ATL3: variants seen among roughly 807,000 people sequenced by gnomAD.
The protein encoded by ATL3 is atlastin-3.
In ATL3, 49 loss-of-function variants were observed where a neutral mutation model predicts 69.5. The observed-to-expected ratio is 0.71, with a 90% CI of 0.56 to 0.89. ATL3 has a LOEUF of 0.89. Ranked by LOEUF, ATL3 falls within the 40% of genes least tolerant of loss-of-function variation. The pLI, the probability that ATL3 is intolerant of heterozygous loss-of-function variation, is 0.00. For synonymous variants in ATL3, 214 were observed against 224.1 expected (o/e 0.95, Z 0.40); for missense variants, 606 against 645.7 (o/e 0.94, Z 0.67).
chr11:63,657,419 T>C (rs1350777796), intron 3 of ATL3, among the ~76,000 whole-genome samples: 1 of 152,156 alleles, frequency 6.6e-6, no homozygotes. Context: ...AGCTAGGGGA[T>C]AGTGAATGCC....
At chr11:63,671,876 G>T (rs1305901605), upstream of ATL3, 2 of 435,914 alleles carry the variant, frequency 4.6e-6, no homozygotes, top group African/African-American at 2.2e-5. Context: ...GCTTTATCCT[G>T]GAACCACCAG....
chr11:63,651,347 A>G lies in ATL3; in HGVS notation c.561+589T>C, dbSNP rs189088071. The stretch of plus-strand genomic sequence containing the variant: ...GCGCACACCTGTAATCCCAGCTTGC[A>G]GTGAGCCAAGATTGCATCATTGCAC... On this transcript the variant is annotated intron_variant, in intron 5 of 12. Transcript: ENST00000398868. Among the ~76,000 whole-genome samples, 5 of 152,106 alleles carry G rather than the reference A, an allele frequency of 3.3e-5. No homozygotes were observed. The East Asian group carries it at 9.7e-4, about 29-fold the overall frequency.
chr11:63,671,554 T>C (rs1047236867), upstream of ATL3: 57 of 1,425,502 alleles, frequency 4.0e-5, no homozygotes, highest in African/African-American at 6.9e-4. Context: ...AGGACGAGGC[T>C]AGGCGAGGCG....
chr11:63,653,187 C>G (rs994445424), intron 3 of ATL3, among the ~76,000 whole-genome samples: 1 of 151,996 alleles, frequency 6.6e-6, no homozygotes, highest in Admixed American at 6.6e-5. Flanking sequence ...AAAAATTAGG[C>G]CAGGCGCAGT....
rs547342734 is a variant in ATL3 at position 63,627,284 on chromosome 11, G to A, written c.*2035C>T. 6.6e-6 allele frequency: 1 copy of A among 152,310 alleles called. No individual in the cohort carries two copies. Among genetic ancestry groups the A allele is most frequent in the Admixed American group, 6.5e-5 (1 of 15,294 alleles). The allele number at this position is 152,310 out of a possible 1,614,324, so 9.4% of individuals were successfully genotyped here. A position where few individuals can be genotyped will look rare whatever the true frequency, so the allele number is the denominator to read the frequency against. ...AAATGCACCAACATTTCAGAAGCAAGCTTTCAAGTTAACAGTCAAAGCTTG... is the reference window on the plus strand; with the variant it reads ...AAATGCACCAACATTTCAGAAGCAAACTTTCAAGTTAACAGTCAAAGCTTG... On this transcript the variant is annotated 3_prime_UTR_variant, in exon 13 of 13. Transcript: ENST00000398868.
chr11:63,644,312 A>T, intron 6 of ATL3, 51 bp from the exon 7 acceptor site: 1 of 1,160,896 alleles, frequency 8.6e-7, no homozygotes, highest in Non-Finnish European at 1.3e-6. Flanking sequence ...ACACATTTTC[A>T]AGAGAACAAC....
chr11:63,633,439 ACT>A (rs1356955730), intron 10 of ATL3, among the ~76,000 whole-genome samples: 1 of 151,674 alleles, frequency 6.6e-6, no homozygotes, highest in Admixed American at 6.6e-5. Context: ...ACAGAGCCTC[ACT>A]CTGTCACCCA....
intron 10 of ATL3, among the ~76,000 whole-genome samples, 167 bp downstream of exon 10, chr11:63,635,366 GA>G (rs1303206975): frequency 6.6e-6 from 1 of 150,944 alleles, no homozygotes; most frequent in Non-Finnish European, 1.5e-5. Context: ...AAGTGAACTA[GA>G]AAAGGTCGCC....
chr11:63,666,024 G>A (rs1940563342), intron 1 of ATL3, among the ~76,000 whole-genome samples: 1 of 152,236 alleles, frequency 6.6e-6, no homozygotes, highest in East Asian at 1.9e-4. Context: ...CTGTTGCACA[G>A]GCTAGAGGTG....
At chr11:63,648,130 C>CA (rs1157296830) in intron 5 of ATL3, among the ~76,000 whole-genome samples, 2 of 150,502 alleles carry the variant, frequency 1.3e-5, no homozygotes, top group Middle Eastern at 3.4e-3. Context: ...AAGATAAATC[C>CA]AAAAAAAAAT....
At chr11:63,650,637 T>G (rs1180031878) in intron 5 of ATL3, 1 of 152,196 alleles carries the variant, frequency 6.6e-6, no homozygotes, top group Non-Finnish European at 1.5e-5. Context: ...TTACTACTTC[T>G]TATGGGTTGA....
chr11:63,644,327 A>AAGATGTATTGCAGTTG, intron 6 of ATL3, 66 bp from the exon 7 acceptor site: 1 of 956,770 alleles, frequency 1.0e-6, no homozygotes. Flanking sequence ...AACAACTGCA[A>AAGATGTATTGCAGTTG]TACATCTTTG....
intron 11 of ATL3, chr11:63,632,128 A>ATT: frequency 9.7e-5 from 34 of 350,496 alleles, no homozygotes; most frequent in South Asian, 1.9e-4. Flanking sequence ...ACATGCTTTA[A>ATT]TTTTTTTTTT....
At position 63,633,152 on chromosome 11, in the gene ATL3, A is replaced by T. The variant is rs1261473226; in HGVS notation, c.1036-55T>A. 6.4e-6 allele frequency: 9 copies of T among 1,414,404 alleles called. No individual in the cohort carries two copies. The African/African-American group carries it at 8.5e-5, about 13-fold the overall frequency. The allele number at this position is 1,414,404 out of a possible 1,614,324, so 87.6% of individuals were successfully genotyped here. On this transcript the variant is annotated intron_variant, in intron 10 of 12. Coordinates refer to ENST00000398868, the MANE Select transcript of ATL3 (RefSeq NM_015459.5). ...ATCCTTCCTCTTTTAACATTCCTCC[A>T]CAAATAACCTAACAAAAATCTTCTC... is the stretch of plus-strand genomic sequence containing the variant.
At chr11:63,643,317 A>C in intron 8 of ATL3, 40 bp downstream of exon 8, 1 of 1,531,302 alleles carries the variant, frequency 6.5e-7, no homozygotes, top group Non-Finnish European at 8.8e-7. Flanking sequence ...TTTAATTCCA[A>C]AGATCGAATC....
At chr11:63,641,523 T>C (rs562809756) in intron 8 of ATL3, among the ~76,000 whole-genome samples, 1 of 152,284 alleles carries the variant, frequency 6.6e-6, no homozygotes, top group Non-Finnish European at 1.5e-5. Flanking sequence ...GGCGGTCATG[T>C]GACAACAAAG....
Position 63,659,146 on chromosome 11 carries a change from C to A in ATL3, c.153G>T (p.Leu51Phe), listed in dbSNP as rs770479127. 8.7e-6 allele frequency: 14 copies of A among 1,613,954 alleles called. No homozygotes were observed. Among genetic ancestry groups the A allele is most frequent in the African/African-American group, 2.7e-5 (2 of 74,882 alleles). ...CATCAAGATCTCGGATGTGGTCCTG[C>A]AAGAGGATGCTGGCCAAGGCTTTCT... ...LDEKALASIL[L>F]QDHIRDLDVV... The change falls in exon 2 of 13, where the codon TTG (leucine) becomes TTT (phenylalanine). Residue 51 changes from leucine to phenylalanine, a missense_variant. Transcript: ENST00000398868.
chr11:63,664,369 T>C (rs1244052123), intron 1 of ATL3, among the ~76,000 whole-genome samples: 1 of 151,784 alleles, frequency 6.6e-6, no homozygotes, highest in African/African-American at 2.4e-5. Context: ...TGAAACCCCA[T>C]CTCTACCAAA....
chr11:63,631,433 A>G lies in ATL3; in HGVS notation c.1146T>C (p.Ile382=), dbSNP rs1464153669. ...TGAATTCACAGTGCTTCTCCTCTAG[A>G]ATGTCTGGAGACAAATAAGGTTTCT... ...GGEKPYLSPD[I]LEEKHCEFKQ... The change falls in exon 12 of 13, where the codon ATT becomes ATC. Residue 382 remains isoleucine (I), a synonymous_variant. Coordinates refer to ENST00000398868, the MANE Select transcript of ATL3 (RefSeq NM_015459.5). The G allele has an allele frequency of 6.2e-7, 1 of 1,613,478 alleles. No homozygotes were observed. The highest frequency in any genetic ancestry group is 8.5e-7 in the Non-Finnish European group (1 of 1,179,648).
Sources: gnomAD v4.1 joint callset for allele counts (sites outside exome capture counted in the v4.1 genomes callset) on GRCh38, gnomAD v4.1.1 for gene constraint, MANE v1.5 for transcripts, NCBI Gene and HGNC (gene_info 2026-07-23, HGNC 2026-07-21) for gene names.